The following CDKAL1 variants were observed in gnomAD, a reference collection of about 807,000 sequenced individuals.
The protein encoded by CDKAL1 is threonylcarbamoyladenosine tRNA methylthiotransferase.
A neutral mutation model predicts 68.2 loss-of-function variants in CDKAL1; 32 were observed. That is an observed-to-expected ratio of 0.47 (90% confidence interval 0.35 to 0.63). The LOEUF is 0.63. CDKAL1 is among the 30% of genes least tolerant of loss of function. The pLI, the probability that CDKAL1 is intolerant of heterozygous loss-of-function variation, is 0.00. For missense variants in CDKAL1, 606 were observed against 696.7 expected (o/e 0.87, Z 1.47); for synonymous variants, 234 against 244.3 (o/e 0.96, Z 0.39).
chr6:20,678,180 TTTC>T (rs1770209167), intron 5 of CDKAL1, among the ~76,000 whole-genome samples: 1 of 152,026 alleles, frequency 6.6e-6, no homozygotes, highest in Non-Finnish European at 1.5e-5. Flanking sequence ...TGTGAATGCA[TTTC>T]TTCTTGCAGC....
intron 13 of CDKAL1, among the ~76,000 whole-genome samples, chr6:21,173,784 T>G (rs1467636791): frequency 1.3e-5 from 2 of 152,098 alleles, no homozygotes; most frequent in East Asian, 3.9e-4. Flanking sequence ...AAAAATAAAA[T>G]TAAGGTCAGA....
intron 7 of CDKAL1, among the ~76,000 whole-genome samples, chr6:20,760,587 A>G (rs1411166843): frequency 6.6e-6 from 1 of 152,222 alleles, no homozygotes; most frequent in Admixed American, 6.5e-5. Flanking sequence ...ATTTGAATCC[A>G]GGCAGTCTGG....
chr6:20,762,834 C>G (rs981547947), intron 7 of CDKAL1, among the ~76,000 whole-genome samples: 4 of 152,160 alleles, frequency 2.6e-5, no homozygotes, highest in Non-Finnish European at 4.4e-5. Context: ...TATCATTAAC[C>G]TGGGATTATT....
chr6:20,907,720 G>A (rs1467335395), intron 9 of CDKAL1, among the ~76,000 whole-genome samples: 4 of 152,096 alleles, frequency 2.6e-5, no homozygotes, highest in Non-Finnish European at 4.4e-5. Context: ...GGGAGTTGGG[G>A]CATCAGAGGA....
intron 6 of CDKAL1, among the ~76,000 whole-genome samples, chr6:20,754,697 C>G (rs1195298378): frequency 6.6e-6 from 1 of 152,110 alleles, no homozygotes; most frequent in Non-Finnish European, 1.5e-5. Flanking sequence ...GATATAAGTT[C>G]CTTACCAGAT....
intron 11 of CDKAL1, among the ~76,000 whole-genome samples, chr6:21,004,595 T>C (rs1318188563): frequency 6.6e-6 from 1 of 152,206 alleles, no homozygotes; most frequent in Non-Finnish European, 1.5e-5. Flanking sequence ...TTTTTTGAAG[T>C]ATAAAATGGG....
intron 13 of CDKAL1, among the ~76,000 whole-genome samples, chr6:21,168,911 A>G (rs1026203390): frequency 2.0e-5 from 3 of 152,168 alleles, no homozygotes; most frequent in African/African-American, 7.2e-5. Context: ...TTCTTCGCCA[A>G]AACATAAATA....
At chr6:21,123,048 TA>T (rs1443847587) in intron 13 of CDKAL1, among the ~76,000 whole-genome samples, 3 of 152,168 alleles carry the variant, frequency 2.0e-5, no homozygotes, top group Non-Finnish European at 1.5e-5. Context: ...ACATGCTGTG[TA>T]AAATATGAAC....
chr6:21,069,770 CTTTCTTTTTTTTTTTT>C (rs796897832), intron 12 of CDKAL1, among the ~76,000 whole-genome samples: 1,563 of 42,272 alleles, frequency 0.037, 63 homozygotes, highest in African/African-American at 0.083. Context: ...CCCAGATTTT[CTTTCTTTTTTTTTTTT>C]TTTTTTTTTT....
At chr6:21,042,629 T>A (rs964926380) in intron 11 of CDKAL1, among the ~76,000 whole-genome samples, 2 of 152,112 alleles carry the variant, frequency 1.3e-5, no homozygotes, top group Admixed American at 6.6e-5. Context: ...TTACACTCCT[T>A]CCCCTACCTG....
At chr6:21,132,278 G>T (rs1582265956) in intron 13 of CDKAL1, among the ~76,000 whole-genome samples, 1 of 152,020 alleles carries the variant, frequency 6.6e-6, no homozygotes, top group Non-Finnish European at 1.5e-5. Flanking sequence ...AGTAAATCAT[G>T]GTGTACACGC....
rs1779993397 is a variant in CDKAL1 at position 21,232,003 on chromosome 6, G to GTTTTGTTTTTTTTTT, written c.*968_*969insGTTTTTTTTTTTTTT. On this transcript the variant is annotated 3_prime_UTR_variant, in exon 16 of 16. Transcript: ENST00000274695. ...TTTGATCCATTGGGGTTTTTTTTTT[G>GTTTTGTTTTTTTTTT]TTTTTGTTTTTTTTTTTTTTTGAGT... 11 of 76,088 alleles carry GTTTTGTTTTTTTTTT rather than the reference G, an allele frequency of 1.4e-4. No individual in the cohort carries two copies. The highest frequency in any genetic ancestry group is 8.8e-4 in the South Asian group (2 of 2,274). 4.7% of individuals were successfully genotyped at this position (76,088 alleles called of 1,614,324 possible). A position where few individuals can be genotyped will look rare whatever the true frequency, so the allele number is the denominator to read the frequency against.
chr6:20,574,043 A>C (rs899823714), intron 4 of CDKAL1, among the ~76,000 whole-genome samples: 2 of 152,198 alleles, frequency 1.3e-5, no homozygotes, highest in African/African-American at 4.8e-5. Context: ...TACCTGAATT[A>C]AGTAGTTGTG....
rs764266426 is a variant in CDKAL1 at position 21,079,976 on chromosome 6, C to CTGTGTGTGTGTGTGTGTGTGTGTGTGTG, written c.1236+14754_1236+14781dup. The stretch of plus-strand genomic sequence containing the variant: ...TAAGATAAGCTTATCAACTTTGTCT[C>CTGTGTGTGTGTGTGTGTGTGTGTGTGTG]TGTGTGTGTGTGTGTGTGTGTGTGT... On this transcript the variant is annotated intron_variant, in intron 12 of 15. Transcript: ENST00000274695. Among the ~76,000 whole-genome samples, 227 of 135,832 alleles carry CTGTGTGTGTGTGTGTGTGTGTGTGTGTG rather than the reference C, an allele frequency of 1.7e-3. 3 individuals are homozygous for CTGTGTGTGTGTGTGTGTGTGTGTGTGTG. In the East Asian group the frequency reaches 0.018, roughly 10 times the overall value. The allele number at this position is 135,832 out of a possible 152,430, so 89.1% of individuals were successfully genotyped here. A position where few individuals can be genotyped will look rare whatever the true frequency, so the allele number is the denominator to read the frequency against.
At chr6:20,985,434 T>C (rs947373246) in intron 10 of CDKAL1, among the ~76,000 whole-genome samples, 2 of 152,046 alleles carry the variant, frequency 1.3e-5, no homozygotes, top group Admixed American at 1.3e-4. Flanking sequence ...GCTGGGATTA[T>C]AGGCACCCGC....
At chr6:21,224,190 A>G (rs537026993) in intron 15 of CDKAL1, among the ~76,000 whole-genome samples, 1 of 152,298 alleles carries the variant, frequency 6.6e-6, no homozygotes, top group African/African-American at 2.4e-5. Flanking sequence ...TTACATGGCA[A>G]AAGGAACTCT....
At position 20,925,093 on chromosome 6, in the gene CDKAL1, C is replaced by G. The variant is rs372046814; in HGVS notation, c.743-30326C>G. ...ATTGCTGCCTTCCTTGAAGAAATTGCCATGGGCATCCCAACCTTCACCAAC... is the reference window on the plus strand; with the variant it reads ...ATTGCTGCCTTCCTTGAAGAAATTGGCATGGGCATCCCAACCTTCACCAAC... On this transcript the variant is annotated intron_variant, in intron 9 of 15. Coordinates refer to ENST00000274695, the MANE Select transcript of CDKAL1 (RefSeq NM_017774.3). Among the ~76,000 whole-genome samples, 239 of 152,300 alleles carry G rather than the reference C, an allele frequency of 1.6e-3. 8 individuals carry two copies. The South Asian group carries it at 0.047, about 30-fold the overall frequency.
Position 20,831,839 on chromosome 6 carries a change from T to A in CDKAL1, c.639-14236T>A, listed in dbSNP as rs1034596085. 2.0e-5 allele frequency among the ~76,000 whole-genome samples: 3 copies of A among 152,172 alleles called. No homozygotes were observed. The East Asian group carries it at 5.8e-4, about 29-fold the overall frequency. ...AGCTTTTTCACCTTTCCAATTTGCT[T>A]CAAATGCTGAATGAACGTAGAATGG... On this transcript the variant is annotated intron_variant, in intron 8 of 15. Transcript: ENST00000274695.
intron 6 of CDKAL1, among the ~76,000 whole-genome samples, chr6:20,749,799 G>C (rs2819988): frequency 6.6e-6 from 1 of 151,806 alleles, no homozygotes; most frequent in Admixed American, 6.6e-5. Flanking sequence ...TGCCCACCTC[G>C]GCCTCCCAAA....
Sources: gnomAD v4.1 joint callset for allele counts (sites outside exome capture counted in the v4.1 genomes callset) on GRCh38, gnomAD v4.1.1 for gene constraint, MANE v1.5 for transcripts, NCBI Gene and HGNC (gene_info 2026-07-23, HGNC 2026-07-21) for gene names.